Variants in KIF13A observed in about 807,000 individuals in gnomAD.
KIF13A encodes the protein kinesin-like protein KIF13A.
In KIF13A, 79 loss-of-function variants were observed where a neutral mutation model predicts 212.2. The ratio of observed to expected loss-of-function variants is 0.37; its 90% CI spans 0.31 to 0.45. The LOEUF is 0.45. KIF13A is among the 20% of genes least tolerant of loss of function. KIF13A has a pLI of 1.00. For synonymous variants in KIF13A, 789 were observed against 808.6 expected (o/e 0.98, Z 0.41); for missense variants, 1,901 against 2,209.0 (o/e 0.86, Z 2.79).
Position 17,963,880 on chromosome 6 carries a change from T to C in KIF13A, c.146+23174A>G, listed in dbSNP as rs1214522153. Among the ~76,000 whole-genome samples, 1 of 152,212 alleles carries C rather than the reference T, an allele frequency of 6.6e-6. No homozygotes were observed. Among genetic ancestry groups the C allele is most frequent in the East Asian group, 1.9e-4 (1 of 5,198 alleles). ...AATATGTTCTATATCTTAATGGTGA[T>C]AGTGGTTAATCAGGCATATGCAACT... On this transcript the variant is annotated intron_variant, in intron 2 of 38. Coordinates refer to ENST00000259711, the MANE Select transcript of KIF13A (RefSeq NM_022113.6). The surrounding 1 kb of genome is among the most constrained non-coding windows in gnomAD (Gnocchi z 4.1).
At chr6:17,916,086 T>C (rs1323321446) in intron 2 of KIF13A, among the ~76,000 whole-genome samples, 1 of 152,190 alleles carries the variant, frequency 6.6e-6, no homozygotes, top group African/African-American at 2.4e-5. Context: ...ACCTGGGAGC[T>C]ACAAATGAGT....
intron 2 of KIF13A, among the ~76,000 whole-genome samples, chr6:17,917,187 C>T (rs1327642031): frequency 2.7e-5 from 4 of 149,532 alleles, no homozygotes; most frequent in East Asian, 2.0e-4. Context: ...AGGAGGAAAA[C>T]GGAGGGGGAA....
At chr6:17,781,840 C>G (rs1350704045) in intron 29 of KIF13A, among the ~76,000 whole-genome samples, 1 of 152,076 alleles carries the variant, frequency 6.6e-6, no homozygotes. Flanking sequence ...GTTGCCCAGG[C>G]TGGTCTCCAA....
chr6:17,916,196 T>C (rs548693766), intron 2 of KIF13A, among the ~76,000 whole-genome samples: 2 of 152,286 alleles, frequency 1.3e-5, no homozygotes, highest in Admixed American at 1.3e-4. Flanking sequence ...AAAATCTTCA[T>C]TGTGGACAGC....
Position 17,961,796 on chromosome 6 carries a change from G to A in KIF13A, c.146+25258C>T, listed in dbSNP as rs891902082. On this transcript the variant is annotated intron_variant, in intron 2 of 38. Transcript: ENST00000259711. This position sits in a 1 kb window ranked among gnomAD's most constrained non-coding sequence, Gnocchi z 4.1. ...ACATAGACTGCAGCGCACACCAGGCGTCTTACCTCTAGTTTCAAATTCTTC... is the reference window on the plus strand; with the variant it reads ...ACATAGACTGCAGCGCACACCAGGCATCTTACCTCTAGTTTCAAATTCTTC... 2.0e-5 allele frequency among the ~76,000 whole-genome samples: 3 copies of A among 152,150 alleles called. No individual in the cohort carries two copies. Among genetic ancestry groups the A allele is most frequent in the Non-Finnish European group, 2.9e-5 (2 of 68,018 alleles).
intron 6 of KIF13A, among the ~76,000 whole-genome samples, chr6:17,854,329 T>A (rs943176189): frequency 7.9e-5 from 12 of 151,832 alleles, no homozygotes; most frequent in Admixed American, 6.6e-4. Context: ...GTAGAGACGG[T>A]GTTTCACCAT....
In KIF13A at chr6:17,917,115, A is replaced by G. The variant is rs574849846; in HGVS notation, c.147-18935T>C. On this transcript the variant is annotated intron_variant, in intron 2 of 38. Coordinates refer to ENST00000259711, the MANE Select transcript of KIF13A (RefSeq NM_022113.6). The stretch of plus-strand genomic sequence containing the variant: ...TGGTGTTGCTGTCCCCAAGATCACT[A>G]GAGACTGTGCTGCATTTCCATGATG... Among the ~76,000 whole-genome samples the G allele has an allele frequency of 3.9e-5, 6 of 152,036 alleles. No individual in the cohort carries two copies. The South Asian group carries it at 1.2e-3, about 32-fold the overall frequency.
At chr6:17,986,093 T>A (rs1781529586) in intron 2 of KIF13A, among the ~76,000 whole-genome samples, 1 of 152,216 alleles carries the variant, frequency 6.6e-6, no homozygotes, top group South Asian at 2.1e-4. Context: ...AGTGAAAATC[T>A]CTGAAGAAGG....
chr6:17,858,380 G>C (rs918103575), intron 4 of KIF13A, among the ~76,000 whole-genome samples: 4 of 152,122 alleles, frequency 2.6e-5, no homozygotes, highest in African/African-American at 9.7e-5. Flanking sequence ...GCAAATACGT[G>C]TATATTCAGA....
At chr6:17,835,236 A>AAAAG (rs1456030094) in intron 11 of KIF13A, among the ~76,000 whole-genome samples, 5 of 101,394 alleles carry the variant, frequency 4.9e-5, no homozygotes, top group South Asian at 3.3e-4. Flanking sequence ...AAAAAAAAAA[A>AAAAG]AAAGAAACAG....
downstream of KIF13A, chr6:17,759,717 G>C (rs752323922): frequency 2.0e-5 from 3 of 152,136 alleles, no homozygotes; most frequent in Admixed American, 6.6e-5. Context: ...ATGGTAAAGG[G>C]TGAACCATTG....
At chr6:17,797,852 T>C (rs1193955448) in intron 22 of KIF13A, among the ~76,000 whole-genome samples, 1 of 152,158 alleles carries the variant, frequency 6.6e-6, no homozygotes, top group Non-Finnish European at 1.5e-5. Context: ...GAGCCGTGAT[T>C]GTGCCACTGC....
Position 17,984,585 on chromosome 6 carries a change from G to GTTT in KIF13A, c.146+2466_146+2468dup, listed in dbSNP as rs539268621. ...GAAACAATGAAAGCTGACCCCATCT[G>GTTT]TTTTTTTTTTTTTTCCCTGGACGTC... On this transcript the variant is annotated intron_variant, in intron 2 of 38. Coordinates refer to ENST00000259711, the MANE Select transcript of KIF13A (RefSeq NM_022113.6). The surrounding 1 kb of genome is among the most constrained non-coding windows in gnomAD (Gnocchi z 5.0). 1.5e-4 allele frequency: 121 copies of GTTT among 827,210 alleles called. No individual in the cohort carries two copies. Among genetic ancestry groups the GTTT allele is most frequent in the Middle Eastern group, 6.1e-4 (1 of 1,652 alleles). 51.2% of individuals were successfully genotyped at this position (827,210 alleles called of 1,614,324 possible).
intron 2 of KIF13A, among the ~76,000 whole-genome samples, chr6:17,937,988 T>C (rs368809346): frequency 2.0e-5 from 3 of 152,142 alleles, no homozygotes; most frequent in African/African-American, 7.2e-5. Flanking sequence ...CCTCAGGTAA[T>C]CCACCTGCCT....
At position 17,801,495 on chromosome 6, in the gene KIF13A, C is replaced by T. The variant is rs184665579; in HGVS notation, c.2455-1382G>A. 1.9e-3 allele frequency among the ~76,000 whole-genome samples: 295 copies of T among 152,176 alleles called. 1 individual carries two copies. The highest frequency in any genetic ancestry group is 0.014 in the Middle Eastern group (4 of 294). On this transcript the variant is annotated intron_variant, in intron 20 of 38. Transcript: ENST00000259711. The stretch of plus-strand genomic sequence containing the variant: ...CTAACCTGGGCAACAGAGTGAGACT[C>T]GGTCTCAAACAACAACAACAAAAAC...
At chr6:17,956,179 AG>A (rs1778340194) in intron 2 of KIF13A, among the ~76,000 whole-genome samples, 1 of 152,222 alleles carries the variant, frequency 6.6e-6, no homozygotes, top group Admixed American at 6.5e-5. Context: ...TTTACAAATG[AG>A]GAAGTTGAGG....
At chr6:17,810,933 GC>G (rs1192071512) in intron 17 of KIF13A, among the ~76,000 whole-genome samples, 1 of 152,212 alleles carries the variant, frequency 6.6e-6, no homozygotes, top group Non-Finnish European at 1.5e-5. Flanking sequence ...CTGCTGTGCA[GC>G]CTGGTTCCTA....
chr6:17,843,141 T>C lies in KIF13A; in HGVS notation c.831-5558A>G, dbSNP rs903253196. Among the ~76,000 whole-genome samples, 9 of 152,338 alleles carry C rather than the reference T, an allele frequency of 5.9e-5. No homozygotes were observed. Among genetic ancestry groups the C allele is most frequent in the Admixed American group, 4.6e-4 (7 of 15,296 alleles). ...CAGACGGTGTAATTTGCCATACACA[T>C]TCCTCCATGCAATTACTGTGCTTGG... On this transcript the variant is annotated intron_variant, in intron 9 of 38. Transcript: ENST00000259711. The surrounding 1 kb of genome is among the most constrained non-coding windows in gnomAD (Gnocchi z 5.3).
rs763154397 is a variant in KIF13A, at chr6:17,987,471, G to GCGCTCGCCCGGC, written c.-20_-9dup. The GCGCTCGCCCGGC allele has an allele frequency of 5.4e-6, 7 of 1,286,132 alleles. No individual in the cohort carries two copies. In the East Asian group the frequency reaches 3.9e-4, roughly 72 times the overall value. The allele number at this position is 1,286,132 out of a possible 1,614,324, so 79.7% of individuals were successfully genotyped here. A position where few individuals can be genotyped will look rare whatever the true frequency, so the allele number is the denominator to read the frequency against. On this transcript the variant is annotated 5_prime_UTR_variant, in exon 1 of 39. Coordinates refer to ENST00000259711, the MANE Select transcript of KIF13A (RefSeq NM_022113.6). This position sits in a 1 kb window ranked among gnomAD's most constrained non-coding sequence, Gnocchi z 7.7. ...TACCTTGGTATCCGACATGTTGGCT[G>GCGCTCGCCCGGC]CGCTCGCCCGGCCGCTCGCCGCGCC... is the stretch of plus-strand genomic sequence containing the variant.
Sources: allele counts gnomAD v4.1 joint callset (sites outside exome capture counted in the v4.1 genomes callset), GRCh38; gene constraint gnomAD v4.1.1; non-coding constraint Gnocchi (gnomAD v3.1); transcripts MANE v1.5; gene names NCBI Gene and HGNC (gene_info 2026-07-23, HGNC 2026-07-21).